The following PACS2 variants were observed in gnomAD, a reference collection of about 807,000 sequenced individuals.
PACS2 encodes the protein PACS1-like protein.
A neutral mutation model predicts 113.0 loss-of-function variants in PACS2; 36 were observed. The observed-to-expected ratio is 0.32, with a 90% CI of 0.24 to 0.42. The LOEUF is 0.42. PACS2 is among the 10% of genes least tolerant of loss of function. The pLI is 1.00. For missense variants in PACS2, 1,015 were observed against 1,239.5 expected (o/e 0.82, Z 2.72); for synonymous variants, 589 against 536.1 (o/e 1.10, Z -1.36).
At chr14:105,334,088 TGTCTG>T (rs759724167) in intron 1 of PACS2, among the ~76,000 whole-genome samples, 70 of 152,210 alleles carry the variant, frequency 4.6e-4, no homozygotes, top group Non-Finnish European at 8.5e-4. Context: ...CACGATGCCC[TGTCTG>T]GTCTAGAGCC....
intron 20 of PACS2, chr14:105,390,279 A>G: frequency 2.0e-6 from 1 of 499,226 alleles, no homozygotes; most frequent in Non-Finnish European, 3.7e-6. Flanking sequence ...CAGAACACCC[A>G]GGAGGCTTGG....
chr14:105,331,586 G>A lies in PACS2; in HGVS notation c.119+16549G>A, dbSNP rs587664908. 3.3e-5 allele frequency among the ~76,000 whole-genome samples: 5 copies of A among 152,270 alleles called. No homozygotes were observed. The South Asian group carries it at 1.0e-3, about 32-fold the overall frequency. ...GCACGAACCATTGTGCCTGGCCTGA[G>A]TTTTATGTATTACCCACTCCAGGAA... On this transcript the variant is annotated intron_variant, in intron 1 of 24. Transcript: ENST00000447393.
At chr14:105,328,164 G>T (rs1280146087) in intron 1 of PACS2, among the ~76,000 whole-genome samples, 1 of 152,264 alleles carries the variant, frequency 6.6e-6, no homozygotes, top group African/African-American at 2.4e-5. Flanking sequence ...CCCTAGGTGT[G>T]GAGGTGCACG....
rs989948888 is a variant in PACS2 at position 105,323,945 on chromosome 14, G to C, written c.119+8908G>C. ...GCGTGCACACCGCTCTGTCCGCGCA[G>C]GCTGTGCCCTGCTTTCAAGATGCCT... On this transcript the variant is annotated intron_variant, in intron 1 of 24. Coordinates refer to ENST00000447393, the MANE Select transcript of PACS2 (RefSeq NM_001100913.3). The surrounding 1 kb of genome is among the most constrained non-coding windows in gnomAD (Gnocchi z 4.1). Among the ~76,000 whole-genome samples the C allele has an allele frequency of 2.0e-5, 3 of 152,252 alleles. No individual in the cohort carries two copies. The highest frequency in any genetic ancestry group is 2.0e-4 in the Admixed American group (3 of 15,290).
intron 4 of PACS2, among the ~76,000 whole-genome samples, chr14:105,362,432 AAAAG>A (rs1654199535): frequency 6.7e-6 from 1 of 150,038 alleles, no homozygotes; most frequent in Admixed American, 6.6e-5. Context: ...AAAAAAAAAG[AAAAG>A]AAAAAAAAAG....
rs966829939 is a variant in PACS2, at chr14:105,323,054, G to A, written c.119+8017G>A. 6.6e-6 allele frequency among the ~76,000 whole-genome samples: 1 copy of A among 152,218 alleles called. No individual in the cohort carries two copies. Among genetic ancestry groups the A allele is most frequent in the African/African-American group, 2.4e-5 (1 of 41,444 alleles). On this transcript the variant is annotated intron_variant, in intron 1 of 24. Transcript: ENST00000447393. This position sits in a 1 kb window ranked among gnomAD's most constrained non-coding sequence, Gnocchi z 4.1. ...AGGTCAGCGGCCGTGACAGGCTGGA[G>A]GGAGACGTCTGGGTGGCTTTGTGGT...
At chr14:105,305,059 G>A (rs2058147561) in intron 1 of PACS2, among the ~76,000 whole-genome samples, 2 of 152,230 alleles carry the variant, frequency 1.3e-5, no homozygotes. Context: ...GCCTTTGGGA[G>A]ATGAGGTCAT....
rs782633525 is a variant in PACS2 at position 105,380,099 on chromosome 14, C to T, written c.1070C>T (p.Thr357Met). The T allele has an allele frequency of 3.9e-6, 6 of 1,553,156 alleles. No individual in the cohort carries two copies. The highest frequency in any genetic ancestry group is 1.7e-4 in the Middle Eastern group (1 of 5,990). The change falls in exon 11 of 25, where the codon ACG becomes ATG. Residue 357 changes from threonine to methionine, a missense_variant. Around this residue, in one of 3 missense-constraint regions of PACS2, gnomAD observed 859 missense variants for 1,056.8 expected, o/e 0.81. Coordinates refer to ENST00000447393, the MANE Select transcript of PACS2 (RefSeq NM_001100913.3). ...PPSPADVPEK[T>M]RSLGGRQPSD... Reference sequence around the variant, plus strand: ...CCACAGGCTGACGTGCCCGAGAAGACGCGGTCCCTGGGAGGCAGGCAGCCG... The same window carrying T: ...CCACAGGCTGACGTGCCCGAGAAGATGCGGTCCCTGGGAGGCAGGCAGCCG...
At chr14:105,374,943 C>A (rs781872563) in intron 8 of PACS2, 2 of 152,204 alleles carry the variant, frequency 1.3e-5, no homozygotes, top group African/African-American at 2.4e-5. Context: ...CTGCGAGCCG[C>A]GGTTGACATC....
At position 105,376,714 on chromosome 14, in the gene PACS2, G is replaced by A. The variant is rs970474510; in HGVS notation, c.802-54G>A. 52 of 1,578,446 alleles carry A rather than the reference G, an allele frequency of 3.3e-5. No homozygotes were observed. Among genetic ancestry groups the A allele is most frequent in the Admixed American group, 5.2e-5 (3 of 57,194 alleles). On this transcript the variant is annotated intron_variant, in intron 8 of 24. Transcript: ENST00000447393. The surrounding 1 kb of genome is among the most constrained non-coding windows in gnomAD (Gnocchi z 4.7). The stretch of plus-strand genomic sequence containing the variant: ...GACTCTGGGGTCTCGGGCGCCCCCA[G>A]TGGGGCAATGTGGGCTGCTGCAGGG...
intron 19 of PACS2, 29 bp downstream of exon 19, chr14:105,385,746 C>T: frequency 7.0e-7 from 1 of 1,435,858 alleles, no homozygotes; most frequent in Non-Finnish European, 9.3e-7. Flanking sequence ...GCCTCCCACC[C>T]TGTCTGTCCC....
At chr14:105,320,779 C>T (rs587704947) in intron 1 of PACS2, among the ~76,000 whole-genome samples, 3 of 152,328 alleles carry the variant, frequency 2.0e-5, no homozygotes, top group African/African-American at 7.2e-5. Flanking sequence ...TGAGTACTGC[C>T]TCTTTTGCTG....
At position 105,376,210 on chromosome 14, in the gene PACS2, C is replaced by A. The variant is rs74894540; in HGVS notation, c.802-558C>A. On this transcript the variant is annotated intron_variant, in intron 8 of 24. Transcript: ENST00000447393. This position sits in a 1 kb window ranked among gnomAD's most constrained non-coding sequence, Gnocchi z 4.7. ...ATGGGGATTACAATTCAAGGTGAGA[C>A]TTGGGTGGGGACACAGTGGAACATG... Among the ~76,000 whole-genome samples, 543 of 152,046 alleles carry A rather than the reference C, an allele frequency of 3.6e-3. 25 individuals carry two copies. The East Asian group carries it at 0.095, about 27-fold the overall frequency.
rs1491504446 is a variant in PACS2, at chr14:105,340,812, C to CCA, written c.120-7680_120-7679insAC. Among the ~76,000 whole-genome samples, 2 of 152,236 alleles carry CCA rather than the reference C, an allele frequency of 1.3e-5. No individual in the cohort carries two copies. Among genetic ancestry groups the CCA allele is most frequent in the Non-Finnish European group, 1.5e-5 (1 of 68,036 alleles). On this transcript the variant is annotated intron_variant, in intron 1 of 24. Transcript: ENST00000447393. This position sits in a 1 kb window ranked among gnomAD's most constrained non-coding sequence, Gnocchi z 4.2. ...ATCTCCTGTCCTGGCTTGGCTTCTG[C>CCA]CCCTGGGTCCGTGGTGGCTGCCTGG...
rs149276157 is a variant in PACS2 at position 105,390,000 on chromosome 14, C to T, written c.2073C>T (p.Val691=). 8.8e-5 allele frequency: 142 copies of T among 1,613,570 alleles called. No individual in the cohort carries two copies. The highest frequency in any genetic ancestry group is 1.1e-4 in the Non-Finnish European group (126 of 1,179,670). ...CCTCCCAAAAGTTCATTCCCTTTGTCGGGGTGAGTACTGGCCAGCTTTATG... is the reference window on the plus strand; with the variant it reads ...CCTCCCAAAAGTTCATTCCCTTTGTTGGGGTGAGTACTGGCCAGCTTTATG... ...EESSQKFIPF[V]GVVKVGIVEP... Residue 691 remains valine, a synonymous_variant, in exon 20 of 25, where the codon GTC becomes GTT. Coordinates refer to ENST00000447393, the MANE Select transcript of PACS2 (RefSeq NM_001100913.3).
intron 1 of PACS2, among the ~76,000 whole-genome samples, chr14:105,305,023 C>A (rs2058145812): frequency 6.6e-6 from 1 of 152,202 alleles, no homozygotes; most frequent in Admixed American, 6.5e-5. Context: ...GTCCTTGCCC[C>A]AAGGCGATGG....
chr14:105,355,785 G>A lies in PACS2; in HGVS notation c.423+608G>A, dbSNP rs1211781511. On this transcript the variant is annotated intron_variant, in intron 4 of 24. Coordinates refer to ENST00000447393, the MANE Select transcript of PACS2 (RefSeq NM_001100913.3). The surrounding 1 kb of genome is among the most constrained non-coding windows in gnomAD (Gnocchi z 4.1). ...GAGAACCCAGCGTTCCAAGGAGGCT[G>A]CAGTAGGGCGTGGGGGCCTGGGAGA... Among the ~76,000 whole-genome samples the A allele has an allele frequency of 6.6e-6, 1 of 152,246 alleles. No homozygotes were observed. The highest frequency in any genetic ancestry group is 1.5e-5 in the Non-Finnish European group (1 of 68,038).
At position 105,314,952 on chromosome 14, in the gene PACS2, G is replaced by GCGCCCGGCGCGCTCAACA. The variant is rs2058501205; in HGVS notation, c.41_58dup (p.Gly14_Pro19dup). On this transcript the variant is annotated inframe_insertion, in exon 1 of 25. Coordinates refer to ENST00000447393, the MANE Select transcript of PACS2 (RefSeq NM_001100913.3). Reference sequence around the variant, plus strand: ...GCGAGGCCGCCTCGGCCTCCCCGGCGCGCCCGGCGCGCTCAACACGCCCGT... The same window carrying GCGCCCGGCGCGCTCAACA: ...GCGAGGCCGCCTCGGCCTCCCCGGCGCGCCCGGCGCGCTCAACACGCCCGGCGCGCTCAACACGCCCGT... 6 of 1,179,786 alleles carry GCGCCCGGCGCGCTCAACA rather than the reference G, an allele frequency of 5.1e-6. No homozygotes were observed. The highest frequency in any genetic ancestry group is 1.7e-5 in the African/African-American group (1 of 60,564). 73.1% of individuals were successfully genotyped at this position (1,179,786 alleles called of 1,614,324 possible).
In PACS2 at chr14:105,365,373, A is replaced by T. The variant is rs587708517; in HGVS notation, c.424-1840A>T. 5.3e-5 allele frequency among the ~76,000 whole-genome samples: 8 copies of T among 152,278 alleles called. No homozygotes were observed. The South Asian group carries it at 1.7e-3, about 32-fold the overall frequency. On this transcript the variant is annotated intron_variant, in intron 4 of 24. Coordinates refer to ENST00000447393, the MANE Select transcript of PACS2 (RefSeq NM_001100913.3). The surrounding 1 kb of genome is among the most constrained non-coding windows in gnomAD (Gnocchi z 5.1). The stretch of plus-strand genomic sequence containing the variant: ...GGCCTGGGACTTCCAGGGCCTGCAG[A>T]TATCAAAATAGTGTTCACATATAGG...
Sources: allele counts gnomAD v4.1 joint callset (sites outside exome capture counted in the v4.1 genomes callset), GRCh38; gene constraint gnomAD v4.1.1; regional missense constraint gnomAD v4.1.1; non-coding constraint Gnocchi (gnomAD v3.1); transcripts MANE v1.5; gene names NCBI Gene and HGNC (gene_info 2026-07-23, HGNC 2026-07-21).